Variants in P3H2 observed in about 807,000 individuals in gnomAD.
P3H2 encodes the protein prolyl 3-hydroxylase 2.
A neutral mutation model predicts 87.0 loss-of-function variants in P3H2; 80 were observed. The ratio of observed to expected loss-of-function variants is 0.92; its 90% confidence interval spans 0.77 to 1.11. The LOEUF is 1.11. P3H2 is among the 50% of genes least tolerant of loss of function. The pLI is 0.00. For missense variants in P3H2, 1,001 were observed against 923.9 expected (o/e 1.08, Z -1.08); for synonymous variants, 367 against 359.3 (o/e 1.02, Z -0.24).
At position 190,022,231 on chromosome 3, in the gene P3H2, T is replaced by C. The variant is rs958061994; in HGVS notation, c.481-26789A>G. Among the ~76,000 whole-genome samples the C allele has an allele frequency of 3.0e-5, 4 of 135,380 alleles. 1 individual carries two copies. The highest frequency in any genetic ancestry group is 6.6e-5 in the Non-Finnish European group (4 of 60,520). The allele number at this position is 135,380 out of a possible 152,430, so 88.8% of individuals were successfully genotyped here. On this transcript the variant is annotated intron_variant, in intron 1 of 14. Transcript: ENST00000319332. ...ATAATAAACAGTAAATTCTTAAAAT[T>C]TACATATGTAACATTTGTGACTTTA...
intron 1 of P3H2, among the ~76,000 whole-genome samples, chr3:190,006,772 T>C (rs1724400729): frequency 1.3e-5 from 2 of 152,138 alleles, no homozygotes; most frequent in African/African-American, 4.8e-5. Context: ...AGCTGCAGAA[T>C]AGTAATGTTA....
intron 1 of P3H2, among the ~76,000 whole-genome samples, chr3:190,037,202 G>C (rs1382330469): frequency 6.6e-6 from 1 of 152,056 alleles, no homozygotes; most frequent in Non-Finnish European, 1.5e-5. Flanking sequence ...CTGGAAAGGA[G>C]AGCATTAAGG....
At chr3:189,965,119 T>A (rs1389222773) in intron 13 of P3H2, among the ~76,000 whole-genome samples, 1 of 152,242 alleles carries the variant, frequency 6.6e-6, no homozygotes, top group Admixed American at 6.5e-5. Flanking sequence ...TGGTTCTCAC[T>A]AGCCATTTTC....
chr3:190,064,190 C>T (rs1333403214), intron 1 of P3H2, among the ~76,000 whole-genome samples: 2 of 150,838 alleles, frequency 1.3e-5, no homozygotes, highest in African/African-American at 4.9e-5. Context: ...GGAGAACAGG[C>T]CTTACTATGT....
At chr3:190,026,069 G>A (rs563202016) in intron 1 of P3H2, among the ~76,000 whole-genome samples, 2 of 152,110 alleles carry the variant, frequency 1.3e-5, no homozygotes, top group East Asian at 3.9e-4. Flanking sequence ...ATCTGGGGAG[G>A]TTCTGTTAGT....
chr3:190,121,975 C>G (rs1343890241), upstream of P3H2, among the ~76,000 whole-genome samples: 4 of 151,338 alleles, frequency 2.6e-5, no homozygotes, highest in Admixed American at 6.6e-5. Flanking sequence ...GCCTGCAGAC[C>G]CAGCTACTCA....
chr3:189,957,414 T>C lies in P3H2; in HGVS notation c.*498A>G, dbSNP rs1162867157. 20 of 395,480 alleles carry C rather than the reference T, an allele frequency of 5.1e-5. No individual in the cohort carries two copies. Among genetic ancestry groups the C allele is most frequent in the Admixed American group, 1.6e-4 (4 of 24,276 alleles). The allele number at this position is 395,480 out of a possible 1,614,324, so 24.5% of individuals were successfully genotyped here. A position where few individuals can be genotyped will look rare whatever the true frequency, so the allele number is the denominator to read the frequency against. On this transcript the variant is annotated 3_prime_UTR_variant, in exon 15 of 15. Transcript: ENST00000319332. ...TCACCACCAAGAAGCTTATTCTCTC[T>C]AAGCTTTTGAATTTGCAGCAACTTA... is the stretch of plus-strand genomic sequence containing the variant.
chr3:190,087,988 CACG>C (rs1334165332), intron 1 of P3H2, among the ~76,000 whole-genome samples: 1 of 152,182 alleles, frequency 6.6e-6, no homozygotes, highest in African/African-American at 2.4e-5. Context: ...GCCCTCTCAA[CACG>C]AGTTCTGTTG....
chr3:189,992,769 A>G (rs1723916409), intron 3 of P3H2, among the ~76,000 whole-genome samples: 1 of 152,234 alleles, frequency 6.6e-6, no homozygotes, highest in Non-Finnish European at 1.5e-5. Context: ...AAAATATGTT[A>G]AGTGCTTTGT....
Position 190,021,423 on chromosome 3 carries a change from A to T in P3H2, c.481-25981T>A, listed in dbSNP as rs1326000151. 4.5e-5 allele frequency among the ~76,000 whole-genome samples: 6 copies of T among 134,818 alleles called. 2 individuals are homozygous for T. Among genetic ancestry groups the T allele is most frequent in the Non-Finnish European group, 9.9e-5 (6 of 60,358 alleles). The allele number at this position is 134,818 out of a possible 152,430, so 88.4% of individuals were successfully genotyped here. On this transcript the variant is annotated intron_variant, in intron 1 of 14. Transcript: ENST00000319332. ...TTGTTTTTAAAGTCTTCCTTTTTTC[A>T]ATTTTTTGTTCTGTAACAAATAGAT...
intron 1 of P3H2, among the ~76,000 whole-genome samples, chr3:190,047,088 G>A (rs373734042): frequency 6.6e-6 from 1 of 152,180 alleles, no homozygotes; most frequent in East Asian, 1.9e-4. Context: ...CAAAAGATCG[G>A]AATAGACATT....
At chr3:190,109,834 T>TGATGCCCA (rs1198432232) in intron 1 of P3H2, among the ~76,000 whole-genome samples, 4 of 145,626 alleles carry the variant, frequency 2.7e-5, no homozygotes, top group African/African-American at 1.1e-4. Context: ...CATCTAACCT[T>TGATGCCCA]GATGCCCAGT....
At chr3:189,981,564 C>T (rs1466578534) in intron 8 of P3H2, among the ~76,000 whole-genome samples, 1 of 152,174 alleles carries the variant, frequency 6.6e-6, no homozygotes, top group Non-Finnish European at 1.5e-5. Context: ...CCACTTCGTC[C>T]TAGACAATTC....
chr3:189,986,807 C>G lies in P3H2; in HGVS notation c.1169G>C (p.Gly390Ala). The change falls in exon 6 of 15, where the codon GGG (glycine) becomes GCG (alanine). Residue 390 changes from glycine (G) to alanine (A), a missense_variant. Gly to Ala is a moderately conservative substitution (Grantham distance 60, BLOSUM62 0). Coordinates refer to ENST00000319332, the MANE Select transcript of P3H2 (RefSeq NM_018192.4). ...TCTTACCGGTTCAGTGTATGAAAAC[C>G]CCAGACCTTCTGCAGCTGATTTTAT... ...ELIKSAAEGL[G>A]FSYTEPNYWI... The G allele has an allele frequency of 1.2e-6, 2 of 1,610,796 alleles. No individual in the cohort carries two copies.
chr3:189,969,528 G>A, intron 13 of P3H2: 2 of 1,207,560 alleles, frequency 1.7e-6, no homozygotes, highest in Non-Finnish European at 2.5e-6. Context: ...TCAATGAACT[G>A]ATCAATAATG....
chr3:190,058,366 G>A (rs1305703026), intron 1 of P3H2, among the ~76,000 whole-genome samples: 1 of 151,914 alleles, frequency 6.6e-6, no homozygotes, highest in Non-Finnish European at 1.5e-5. Flanking sequence ...ACCTATCCCC[G>A]CCCCCAAGGA....
At chr3:190,061,445 G>C (rs569714186) in intron 1 of P3H2, among the ~76,000 whole-genome samples, 1 of 152,080 alleles carries the variant, frequency 6.6e-6, no homozygotes, top group Non-Finnish European at 1.5e-5. Context: ...AATGGCTCAA[G>C]GAAGGGTCCA....
intron 13 of P3H2, 69 bp from the exon 14 acceptor site, chr3:189,964,167 C>T (rs1722904680): frequency 2.1e-6 from 3 of 1,426,340 alleles, no homozygotes; most frequent in Non-Finnish European, 3.0e-6. Flanking sequence ...TCCTGCTTCT[C>T]TGGCTATGAG....
chr3:189,991,229 C>A (rs1723868359), intron 3 of P3H2, among the ~76,000 whole-genome samples: 1 of 152,144 alleles, frequency 6.6e-6, no homozygotes, highest in Non-Finnish European at 1.5e-5. Flanking sequence ...AGGAAAATAT[C>A]CTCAATAATT....
Sources: gnomAD v4.1 joint callset for allele counts (sites outside exome capture counted in the v4.1 genomes callset) on GRCh38, gnomAD v4.1.1 for gene constraint, MANE v1.5 for transcripts, NCBI Gene and HGNC (gene_info 2026-07-23, HGNC 2026-07-21) for gene names.